The following BRINP3 variants were observed in gnomAD, a reference collection of about 807,000 sequenced individuals.
The protein encoded by BRINP3 is BMP/retinoic acid inducible neural specific 3, also known as BMP/retinoic acid-inducible neural-specific protein 3.
Under a neutral mutation model 71.0 loss-of-function variants are expected in BRINP3, and 19 were observed. The observed-to-expected ratio is 0.27, with a 90% CI of 0.19 to 0.39. The LOEUF (loss-of-function observed/expected upper bound fraction) is 0.39. Ranked by LOEUF, BRINP3 falls within the 10% of genes least tolerant of loss-of-function variation. BRINP3 has a pLI of 1.00. For missense variants in BRINP3, 959 were observed against 940.8 expected (o/e 1.02, Z -0.25); for synonymous variants, 380 against 337.7 (o/e 1.13, Z -1.37).
At position 190,223,600 on chromosome 1, in the gene BRINP3, C is replaced by A. The variant is rs571719139; in HGVS notation, c.961+2482G>T. ...TTTTTTCTTATGAGAAAGGCCTTTT[C>A]TTTAAAGACTGGAACAAGATAAGAA... On this transcript the variant is annotated intron_variant, in intron 6 of 7. Coordinates refer to ENST00000367462, the MANE Select transcript of BRINP3 (RefSeq NM_199051.3). Among the ~76,000 whole-genome samples the A allele has an allele frequency of 5.3e-5, 8 of 151,970 alleles. No homozygotes were observed. In the East Asian group the frequency reaches 1.5e-3, roughly 29 times the overall value.
chr1:190,111,147 C>T (rs1652635794), intron 7 of BRINP3, among the ~76,000 whole-genome samples: 1 of 134,772 alleles, frequency 7.4e-6, no homozygotes, highest in South Asian at 2.4e-4. Flanking sequence ...CACTGCACTC[C>T]AGCCGGGAGC....
intron 2 of BRINP3, among the ~76,000 whole-genome samples, chr1:190,352,938 G>C (rs973384368): frequency 6.6e-6 from 1 of 150,888 alleles, no homozygotes; most frequent in Non-Finnish European, 1.5e-5. Context: ...AATTGTGTCT[G>C]TATACTATTT....
At chr1:190,126,488 C>T (rs16832052) in intron 7 of BRINP3, among the ~76,000 whole-genome samples, 2,456 of 151,944 alleles carry the variant, frequency 0.016, 64 homozygotes, top group African/African-American at 0.056. Flanking sequence ...AGGACTTACA[C>T]CCTGTTATTA....
rs763653559 is a variant in BRINP3, at chr1:190,226,135, A to G, written c.908T>C (p.Leu303Pro). Residue 303 changes from leucine (L) to proline (P), a missense_variant, in exon 6 of 8, where the codon CTT (leucine) becomes CCT (proline). Coordinates refer to ENST00000367462, the MANE Select transcript of BRINP3 (RefSeq NM_199051.3). ...SMDIQAMEEN[L>P]LRITETWKAY... The stretch of plus-strand genomic sequence containing the variant: ...TTTCCAGGTTTCAGTTATTCGAAGA[A>G]GATTCTCTTCCATGGCTTGAATGTC... The G allele has an allele frequency of 1.2e-6, 2 of 1,611,710 alleles. No individual in the cohort carries two copies. Among genetic ancestry groups the G allele is most frequent in the South Asian group, 2.2e-5 (2 of 90,908 alleles).
rs752383642 is a variant in BRINP3, at chr1:190,281,720, A to G, written c.267T>C (p.Leu89=). ...REFGRWKVNN[L]AVERRNFLGS... ...CAAGGAAATTTCTTCTCTCAACTGC[A>G]AGGTTATTTACTTTCCAGCGGCCAA... is the stretch of plus-strand genomic sequence containing the variant. The change falls in exon 3 of 8, where the codon CTT becomes CTC. Residue 89 remains leucine, a synonymous_variant. Transcript: ENST00000367462. The G allele has an allele frequency of 1.9e-6, 3 of 1,612,298 alleles. No homozygotes were observed. Among genetic ancestry groups the G allele is most frequent in the Non-Finnish European group, 1.7e-6 (2 of 1,179,116 alleles).
chr1:190,134,935 A>G (rs1214268254), intron 7 of BRINP3, among the ~76,000 whole-genome samples: 1 of 152,110 alleles, frequency 6.6e-6, no homozygotes, highest in Admixed American at 6.6e-5. Context: ...GTGCCTCTTT[A>G]CTACAGGTTT....
At chr1:190,141,263 G>A (rs1208349689) in intron 7 of BRINP3, among the ~76,000 whole-genome samples, 1 of 151,788 alleles carries the variant, frequency 6.6e-6, no homozygotes, top group African/African-American at 2.4e-5. Flanking sequence ...ATATTTTATA[G>A]ATGTTCTGCT....
chr1:190,237,042 T>C (rs1032465918), intron 4 of BRINP3, among the ~76,000 whole-genome samples: 3 of 151,938 alleles, frequency 2.0e-5, no homozygotes, highest in Non-Finnish European at 4.4e-5. Flanking sequence ...AAAGAGTCTC[T>C]TATATTCACC....
chr1:190,150,858 A>G (rs999285641), intron 7 of BRINP3, among the ~76,000 whole-genome samples: 3 of 152,192 alleles, frequency 2.0e-5, no homozygotes, highest in Non-Finnish European at 2.9e-5. Context: ...CCTGGCCACA[A>G]CATTTTAATG....
chr1:190,445,570 TACTCAC>T (rs902217927), intron 2 of BRINP3, among the ~76,000 whole-genome samples: 24 of 136,306 alleles, frequency 1.8e-4, no homozygotes, highest in South Asian at 1.4e-3. Context: ...GCATAACACA[TACTCAC>T]ACACACACAC....
intron 1 of BRINP3, among the ~76,000 whole-genome samples, chr1:190,471,304 A>C (rs1677122895): frequency 6.6e-6 from 1 of 151,258 alleles, no homozygotes; most frequent in African/African-American, 2.4e-5. Context: ...GCTCATTTTC[A>C]AAAAACAGGA....
rs183335911 is a variant in BRINP3 at position 190,128,518 on chromosome 1, C to T, written c.1185-29384G>A. 3.5e-4 allele frequency among the ~76,000 whole-genome samples: 53 copies of T among 151,818 alleles called. 1 individual carries two copies. The East Asian group carries it at 9.9e-3, about 28-fold the overall frequency. On this transcript the variant is annotated intron_variant, in intron 7 of 7. Coordinates refer to ENST00000367462, the MANE Select transcript of BRINP3 (RefSeq NM_199051.3). ...TGGTTGATGAATAAAGGTTATCATT[C>T]TCCACTGGTTTCACAGAACTTAAAT...
chr1:190,365,358 A>G (rs557366716), intron 2 of BRINP3, among the ~76,000 whole-genome samples: 1 of 151,986 alleles, frequency 6.6e-6, no homozygotes, highest in African/African-American at 2.4e-5. Context: ...TGATTTTACT[A>G]CATTCTATGC....
At chr1:190,454,457 C>A (rs539484676) in intron 2 of BRINP3, among the ~76,000 whole-genome samples, 198 bp downstream of exon 2, 140 of 152,202 alleles carry the variant, frequency 9.2e-4, no homozygotes, top group African/African-American at 3.3e-3. Flanking sequence ...AAGTGGTCAC[C>A]ATTATCTGTT....
At chr1:190,356,577 T>G (rs556734297) in intron 2 of BRINP3, among the ~76,000 whole-genome samples, 1 of 151,970 alleles carries the variant, frequency 6.6e-6, no homozygotes, top group Non-Finnish European at 1.5e-5. Context: ...CCCTCTCTTA[T>G]CTCTGTTTCT....
chr1:190,267,806 G>T (rs913787138), intron 3 of BRINP3, among the ~76,000 whole-genome samples: 1 of 151,986 alleles, frequency 6.6e-6, no homozygotes, highest in African/African-American at 2.4e-5. Context: ...AAGATTAGGT[G>T]TTACAGAACA....
intron 2 of BRINP3, among the ~76,000 whole-genome samples, chr1:190,304,485 G>T (rs1475865774): frequency 1.3e-5 from 2 of 151,776 alleles, no homozygotes; most frequent in African/African-American, 4.8e-5. Flanking sequence ...TGTAGTTATA[G>T]CCAACTGATT....
At chr1:190,417,399 A>G (rs1208517626) in intron 2 of BRINP3, among the ~76,000 whole-genome samples, 3 of 152,160 alleles carry the variant, frequency 2.0e-5, no homozygotes, top group African/African-American at 7.2e-5. Context: ...TTCTTCTTGT[A>G]TCGATCAATA....
At chr1:190,284,645 G>A (rs1216607363) in intron 2 of BRINP3, among the ~76,000 whole-genome samples, 1 of 151,950 alleles carries the variant, frequency 6.6e-6, no homozygotes, top group African/African-American at 2.4e-5. Context: ...GCTTCCTTCA[G>A]CTATCAGGTA....
Sources: gnomAD v4.1 joint callset for allele counts (sites outside exome capture counted in the v4.1 genomes callset) on GRCh38, gnomAD v4.1.1 for gene constraint, MANE v1.5 for transcripts, NCBI Gene and HGNC (gene_info 2026-07-23, HGNC 2026-07-21) for gene names.